TANGO6: variants seen among roughly 807,000 people sequenced by gnomAD.
TANGO6 encodes the protein transport and golgi organization 6 homolog.
Under a neutral mutation model 114.2 loss-of-function variants are expected in TANGO6, and 90 were observed. That is an observed-to-expected ratio of 0.79 (90% CI 0.66 to 0.94). The LOEUF is 0.94. Ranked by LOEUF, TANGO6 falls within the 40% of genes least tolerant of loss-of-function variation. The probability of loss-of-function intolerance (pLI) is 0.00; values close to 1 mark genes in which losing one functional copy is unlikely to be tolerated. For missense variants in TANGO6, 1,274 were observed against 1,315.3 expected, an observed-to-expected ratio of 0.97 and a Z score of 0.49; for synonymous variants, 477 against 509.8, an observed-to-expected ratio of 0.94 and a Z score of 0.87.
At chr16:69,040,539 A>T (rs1176324054) in intron 17 of TANGO6, 118 bp downstream of exon 17, 5 of 783,648 alleles carry the variant, frequency 6.4e-6, no homozygotes, top group East Asian at 2.7e-5. Flanking sequence ...ATCCAAATGA[A>T]TCCATCAACA....
chr16:69,070,746 A>ATGT (rs891774100), intron 17 of TANGO6, among the ~76,000 whole-genome samples: 1 of 141,752 alleles, frequency 7.1e-6, no homozygotes, highest in African/African-American at 2.6e-5. Context: ...GCAAGAATCA[A>ATGT]TATTATTATT....
chr16:68,936,124 CAG>C (rs1176117874), intron 14 of TANGO6, among the ~76,000 whole-genome samples: 1 of 152,100 alleles, frequency 6.6e-6, no homozygotes, highest in Non-Finnish European at 1.5e-5. Context: ...GTTAAGGCTG[CAG>C]AGAGTCATGA....
At chr16:68,921,417 C>T (rs1342534187) in intron 12 of TANGO6, among the ~76,000 whole-genome samples, 1 of 151,820 alleles carries the variant, frequency 6.6e-6, no homozygotes, top group African/African-American at 2.4e-5. Context: ...CCCCTGACCT[C>T]AAGTGATTCA....
At chr16:69,044,246 G>T (rs1437181446) in intron 17 of TANGO6, among the ~76,000 whole-genome samples, 1 of 152,166 alleles carries the variant, frequency 6.6e-6, no homozygotes, top group Non-Finnish European at 1.5e-5. Flanking sequence ...TGTATTTTTA[G>T]TAGAGACAGG....
Position 69,040,294 on chromosome 16 carries a change from C to G in TANGO6, c.2995-14C>G, listed in dbSNP as rs1266867339. ...TCTGATTCTTATCAACTTCATCTTC[C>G]TTCATCCTCCTAGGTAACAGCTTGC... On this transcript the variant is annotated splice_polypyrimidine_tract_variant and intron_variant, in intron 16 of 17. Transcript: ENST00000261778. The G allele has an allele frequency of 6.3e-7, 1 of 1,587,044 alleles. No individual in the cohort carries two copies. The highest frequency in any genetic ancestry group is 1.8e-5 in the Admixed American group (1 of 55,544).
In TANGO6 at chr16:69,048,199, G is replaced by C. The variant is rs370660571; in HGVS notation, c.3108+7778G>C. ...CTGGGTTCAAGCGATTCTTGTGCCT[G>C]AGCCTCTTGACTAGCTGGGATTACA... is the stretch of plus-strand genomic sequence containing the variant. On this transcript the variant is annotated intron_variant, in intron 17 of 17. Coordinates refer to ENST00000261778, the MANE Select transcript of TANGO6 (RefSeq NM_024562.2). Among the ~76,000 whole-genome samples the C allele has an allele frequency of 5.3e-5, 8 of 151,208 alleles. No individual in the cohort carries two copies. In the East Asian group the frequency reaches 1.5e-3, roughly 29 times the overall value.
chr16:68,845,488 C>A (rs1567521747), intron 1 of TANGO6, among the ~76,000 whole-genome samples: 1 of 152,112 alleles, frequency 6.6e-6, no homozygotes, highest in Non-Finnish European at 1.5e-5. Context: ...TTATTTTGTA[C>A]ATGTAGTCTT....
In TANGO6 at chr16:68,902,340, A is replaced by G. The variant is rs767128648; in HGVS notation, c.1503A>G (p.Gln501=). The G allele has an allele frequency of 5.0e-6, 8 of 1,609,890 alleles. No homozygotes were observed. Among genetic ancestry groups the G allele is most frequent in the Non-Finnish European group, 8.5e-7 (1 of 1,178,470 alleles). The change falls in exon 9 of 18, where the codon CAA becomes CAG. Residue 501 remains glutamine (Q), a synonymous_variant. Transcript: ENST00000261778. ...CTTTTTCTGCCAGGTCACTTTGCCA[A>G]GAAATCTTATTATGGATTCTGGGGA... ...QSVSHIRSLC[Q]EILLWILGKL...
Position 68,902,489 on chromosome 16 carries a change from TCAAAGAGGC to T in TANGO6, c.1655_1663del (p.Lys552_Ala554del), listed in dbSNP as rs1171273949. The T allele has an allele frequency of 1.2e-6, 2 of 1,611,806 alleles. No homozygotes were observed. Among genetic ancestry groups the T allele is most frequent in the Non-Finnish European group, 1.7e-6 (2 of 1,179,120 alleles). On this transcript the variant is annotated inframe_deletion, in exon 9 of 18. Coordinates refer to ENST00000261778, the MANE Select transcript of TANGO6 (RefSeq NM_024562.2). ...ACTCAAGGTGGCATTATGATTACCA[TCAAAGAGGC>T]CATTAGGTGAGTCCACCCATCCGTT...
intron 15 of TANGO6, among the ~76,000 whole-genome samples, chr16:68,975,324 A>G (rs1044934059): frequency 6.6e-6 from 1 of 152,068 alleles, no homozygotes; most frequent in African/African-American, 2.4e-5. Flanking sequence ...TAAGCTGACA[A>G]TAGTAGTTAA....
In TANGO6 at chr16:68,947,673, G is replaced by A. The variant is rs541092953; in HGVS notation, c.2701+17378G>A. ...GTGGCGTGATCACAGCTCACTGCAC[G>A]CTCTGCCTCCTGGGTTCAAGAAATT... On this transcript the variant is annotated intron_variant, in intron 14 of 17. Transcript: ENST00000261778. Among the ~76,000 whole-genome samples the A allele has an allele frequency of 6.8e-3, 556 of 81,400 alleles. 2 individuals carry two copies. The highest frequency in any genetic ancestry group is 0.025 in the African/African-American group (536 of 21,368). The allele number at this position is 81,400 out of a possible 152,430, so 53.4% of individuals were successfully genotyped here. A position where few individuals can be genotyped will look rare whatever the true frequency, so the allele number is the denominator to read the frequency against.
At chr16:68,909,544 A>G in intron 11 of TANGO6, 142 bp downstream of exon 11, 1 of 717,666 alleles carries the variant, frequency 1.4e-6, no homozygotes, top group Admixed American at 4.2e-5. Flanking sequence ...GAAACTACAC[A>G]GCCCACACCA....
intron 11 of TANGO6, 41 bp from the exon 12 acceptor site, chr16:68,919,044 T>C: frequency 6.3e-7 from 1 of 1,581,996 alleles, no homozygotes. Flanking sequence ...TGATTTTTTT[T>C]TTTCATTCCT....
intron 17 of TANGO6, among the ~76,000 whole-genome samples, chr16:69,043,118 C>T (rs201969555): frequency 1.2e-4 from 18 of 151,820 alleles, no homozygotes; most frequent in Non-Finnish European, 2.4e-4. Context: ...CCCAGCTAGT[C>T]GGGAGGCTGA....
At chr16:68,881,392 T>TGTGCC (rs1322692540) in intron 7 of TANGO6, among the ~76,000 whole-genome samples, 1 of 152,154 alleles carries the variant, frequency 6.6e-6, no homozygotes, top group East Asian at 1.9e-4. Flanking sequence ...CACACACCTG[T>TGTGCC]AATCCCAGCT....
chr16:69,053,708 T>C (rs1959988912), intron 17 of TANGO6, among the ~76,000 whole-genome samples: 1 of 152,120 alleles, frequency 6.6e-6, no homozygotes, highest in Admixed American at 6.6e-5. Flanking sequence ...CCAGGTGATA[T>C]CATTGGGAGA....
chr16:68,986,759 G>A (rs746198408), intron 15 of TANGO6, among the ~76,000 whole-genome samples: 1 of 152,098 alleles, frequency 6.6e-6, no homozygotes, highest in Admixed American at 6.6e-5. Flanking sequence ...ACAAAAATTA[G>A]CCAAGAGTGA....
chr16:68,957,293 A>C (rs2060886448), intron 14 of TANGO6, among the ~76,000 whole-genome samples: 1 of 152,120 alleles, frequency 6.6e-6, no homozygotes, highest in South Asian at 2.1e-4. Context: ...GCCCACACAG[A>C]AACTCTATAA....
chr16:68,977,757 C>T (rs1963778540), intron 15 of TANGO6, among the ~76,000 whole-genome samples: 1 of 151,444 alleles, frequency 6.6e-6, no homozygotes, highest in African/African-American at 2.4e-5. Flanking sequence ...GCCATCTTAG[C>T]TCACTGCAGC....
Sources: allele counts gnomAD v4.1 joint callset (sites outside exome capture counted in the v4.1 genomes callset), GRCh38; gene constraint gnomAD v4.1.1; transcripts MANE v1.5; gene names NCBI Gene and HGNC (gene_info 2026-07-23, HGNC 2026-07-21).